Variants in PI4KB observed in about 807,000 individuals in gnomAD.
PI4KB encodes phosphatidylinositol 4-kinase beta.
PI4KB carries 23 observed loss-of-function variants against 81.4 expected under a neutral mutation model. The ratio of observed to expected loss-of-function variants is 0.28; its 90% CI spans 0.20 to 0.40. PI4KB has a LOEUF of 0.40. Ranked by LOEUF, PI4KB falls within the 10% of genes least tolerant of loss-of-function variation. PI4KB has a pLI of 1.00. For missense variants in PI4KB, 651 were observed against 1,036.6 expected (o/e 0.63, Z 5.11); for synonymous variants, 381 against 406.8 (o/e 0.94, Z 0.76).
At chr1:151,299,699 A>G (rs972578835) in intron 8 of PI4KB, among the ~76,000 whole-genome samples, 2 of 152,154 alleles carry the variant, frequency 1.3e-5, no homozygotes, top group African/African-American at 2.4e-5. Context: ...GACGAAAAAA[A>G]AGAAAAAAGG....
chr1:151,323,653 G>C (rs188710366), intron 1 of PI4KB, among the ~76,000 whole-genome samples: 249 of 152,284 alleles, frequency 1.6e-3, no homozygotes, highest in Admixed American at 0.011. Flanking sequence ...TGAACCCTGA[G>C]GCAGAGGTTG....
At chr1:151,313,518 A>C (rs1647435151) in intron 2 of PI4KB, among the ~76,000 whole-genome samples, 1 of 152,234 alleles carries the variant, frequency 6.6e-6, no homozygotes, top group Non-Finnish European at 1.5e-5. Context: ...AGAAAAGCCA[A>C]GCCTGACAAG....
At position 151,306,230 on chromosome 1, in the gene PI4KB, T is replaced by C. The variant is rs746876053; in HGVS notation, c.1316A>G (p.His439Arg). 3 of 1,614,176 alleles carry C rather than the reference T, an allele frequency of 1.9e-6. No homozygotes were observed. The highest frequency in any genetic ancestry group is 2.2e-5 in the South Asian group (2 of 91,072). Residue 439 changes from histidine (H) to arginine (R), a missense_variant, in exon 5 of 12, where the codon CAT becomes CGT. Coordinates refer to ENST00000368873, the MANE Select transcript of PI4KB (RefSeq NM_001369623.2). ...GCTGAAGCTGCCAGCTCGCTGCTCA[T>C]GGGTAATACCACATTCGGGCAAGTT... ...VENLPECGIT[H>R]EQRAGSFSTV...
chr1:151,309,807 T>TCTGA (rs1181964065), intron 3 of PI4KB, among the ~76,000 whole-genome samples: 2 of 152,166 alleles, frequency 1.3e-5, no homozygotes, highest in African/African-American at 4.8e-5. Flanking sequence ...TATTTGATAA[T>TCTGA]CTGACGGCAG....
At chr1:151,298,088 T>C (rs587631774) in intron 9 of PI4KB, among the ~76,000 whole-genome samples, 1 of 152,306 alleles carries the variant, frequency 6.6e-6, no homozygotes, top group African/African-American at 2.4e-5. Context: ...ATCAAGGTCA[T>C]GTCATATTGA....
At position 151,316,458 on chromosome 1, in the gene PI4KB, A is replaced by G; in HGVS notation, c.24T>C (p.Pro8=). MGDTVVE[P]APLKPTSEPT... ...GCTCAGAAGTTGGCTTCAAGGGGGCAGGCTCCACTACTGTATCTCCCATGG... is the reference window on the plus strand; with the variant it reads ...GCTCAGAAGTTGGCTTCAAGGGGGCGGGCTCCACTACTGTATCTCCCATGG... Residue 8 remains proline (P), a synonymous_variant, in exon 2 of 12, where the codon CCT becomes CCC. Transcript: ENST00000368873. The G allele has an allele frequency of 1.3e-6, 2 of 1,553,288 alleles. No homozygotes were observed. Among genetic ancestry groups the G allele is most frequent in the Non-Finnish European group, 1.7e-6 (2 of 1,151,742 alleles).
At chr1:151,315,091 G>A (rs1647712041) in intron 2 of PI4KB, among the ~76,000 whole-genome samples, 1 of 152,152 alleles carries the variant, frequency 6.6e-6, no homozygotes, top group African/African-American at 2.4e-5. Context: ...TGATTCTCCT[G>A]TCTCAGCCTC....
chr1:151,301,700 A>G (rs1207048593), intron 8 of PI4KB, 144 bp downstream of exon 8: 2 of 687,002 alleles, frequency 2.9e-6, no homozygotes, highest in African/African-American at 1.9e-5. Flanking sequence ...CCCGGCCATA[A>G]TTTTTGTATT....
At chr1:151,294,166 A>T in intron 10 of PI4KB, 28 bp from the exon 11 acceptor site, 1 of 1,603,210 alleles carries the variant, frequency 6.2e-7, no homozygotes, top group Non-Finnish European at 8.5e-7. Flanking sequence ...CGTTGTGTGC[A>T]CAAGGGGTCT....
intron 1 of PI4KB, among the ~76,000 whole-genome samples, chr1:151,321,882 A>AG (rs1648896426): frequency 1.3e-5 from 2 of 151,432 alleles, no homozygotes; most frequent in Admixed American, 1.3e-4. Flanking sequence ...TAAAAAAAAA[A>AG]AAAAAAAAAA....
intron 2 of PI4KB, among the ~76,000 whole-genome samples, chr1:151,311,706 G>C (rs912491009): frequency 2.6e-5 from 4 of 152,158 alleles, no homozygotes; most frequent in African/African-American, 7.2e-5. Context: ...TGACAGCCCT[G>C]GGGGAAGGGA....
intron 10 of PI4KB, 108 bp downstream of exon 10, chr1:151,294,301 C>T: frequency 6.8e-7 from 1 of 1,473,400 alleles, no homozygotes; most frequent in Non-Finnish European, 9.2e-7. Context: ...CCCCTAATTA[C>T]TGCCTGTTCT....
chr1:151,318,048 A>G (rs1224765685), intron 1 of PI4KB, among the ~76,000 whole-genome samples: 1 of 152,154 alleles, frequency 6.6e-6, no homozygotes, highest in Non-Finnish European at 1.5e-5. Flanking sequence ...CCTGGCCTCA[A>G]GCAATTCTCC....
chr1:151,316,556 A>C, intron 1 of PI4KB, 47 bp from the exon 2 acceptor site: 2 of 1,378,240 alleles, frequency 1.5e-6, no homozygotes, highest in East Asian at 2.4e-5. Flanking sequence ...AGACACATAC[A>C]CACATTGGTT....
chr1:151,292,719 C>T lies in PI4KB; in HGVS notation c.*133G>A, dbSNP rs187446905. 1.6e-3 allele frequency: 1,242 copies of T among 796,430 alleles called. 20 individuals are homozygous for T. The highest frequency in any genetic ancestry group is 0.013 in the South Asian group (734 of 55,262). 49.3% of individuals were successfully genotyped at this position (796,430 alleles called of 1,614,324 possible). On this transcript the variant is annotated 3_prime_UTR_variant, in exon 12 of 12. Coordinates refer to ENST00000368873, the MANE Select transcript of PI4KB (RefSeq NM_001369623.2). ...CTCTCGCAGTTACCACATGATCCTT[C>T]GTGTTTCTTGCCTTCCATTTCCCTT...
rs1557799756 is a variant in PI4KB, at chr1:151,307,646, G to A, written c.1110C>T (p.Pro370=). 2 of 1,614,174 alleles carry A rather than the reference G, an allele frequency of 1.2e-6. No individual in the cohort carries two copies. The highest frequency in any genetic ancestry group is 8.5e-7 in the Non-Finnish European group (1 of 1,180,016). The stretch of plus-strand genomic sequence containing the variant: ...CCACGTGGTGGTCAAAGCCAGCAGT[G>A]GGCAGCCAGACTCGGGCAGGGAGCT... ...NHKLPARVWL[P]TAGFDHHVVR... Residue 370 remains proline, a synonymous_variant, in exon 4 of 12, where the codon CCC becomes CCT. Transcript: ENST00000368873.
intron 1 of PI4KB, among the ~76,000 whole-genome samples, chr1:151,320,815 T>C (rs529021903): frequency 6.6e-6 from 1 of 152,352 alleles, no homozygotes; most frequent in South Asian, 2.1e-4. Context: ...AACTTCTTTT[T>C]CTCAGTCTCT....
intron 1 of PI4KB, among the ~76,000 whole-genome samples, chr1:151,322,896 G>T (rs1019532961): frequency 6.6e-6 from 1 of 152,042 alleles, no homozygotes; most frequent in Admixed American, 6.6e-5. Flanking sequence ...GCCTCCCAAA[G>T]TGCTGAGATT....
rs368930115 is a variant in PI4KB at position 151,292,794 on chromosome 1, A to G, written c.*58T>C. ...TTTCCTGGTTTGGGGTTTCTCAGAC[A>G]AGGGCCCTCTAGGGAGGGTGCCCTG... On this transcript the variant is annotated 3_prime_UTR_variant, in exon 12 of 12. Transcript: ENST00000368873. 95 of 1,518,290 alleles carry G rather than the reference A, an allele frequency of 6.3e-5. 4 individuals carry two copies. The highest frequency in any genetic ancestry group is 5.7e-4 in the East Asian group (25 of 43,986). 94.1% of individuals were successfully genotyped at this position (1,518,290 alleles called of 1,614,324 possible).
Sources: allele counts gnomAD v4.1 joint callset (sites outside exome capture counted in the v4.1 genomes callset), GRCh38; gene constraint gnomAD v4.1.1; transcripts MANE v1.5; gene names NCBI Gene and HGNC (gene_info 2026-07-23, HGNC 2026-07-21).